NLRC4: variants seen among roughly 807,000 people sequenced by gnomAD.
NLRC4 encodes NLR family CARD domain-containing protein 4.
Under a neutral mutation model 79.9 loss-of-function variants are expected in NLRC4, and 63 were observed. The observed-to-expected ratio is 0.79, with a 90% CI of 0.64 to 0.97. The LOEUF is 0.97. Among genes scored for constraint, NLRC4 ranks in the 50% least tolerant of loss-of-function variants. The probability of loss-of-function intolerance (pLI) is 0.00; values close to 1 mark genes in which losing one functional copy is unlikely to be tolerated. For synonymous variants in NLRC4, 461 were observed against 456.5 expected (o/e 1.01, Z -0.12); for missense variants, 1,074 against 1,215.2 (o/e 0.88, Z 1.73).
intron 7 of NLRC4, 37 bp downstream of exon 7, chr2:32,236,210 T>G: frequency 1.5e-6 from 2 of 1,323,866 alleles, no homozygotes; most frequent in Non-Finnish European, 2.2e-6. Context: ...AGTATACATA[T>G]TCAAGTATCT....
chr2:32,239,523 T>C (rs1686748338), intron 5 of NLRC4, among the ~76,000 whole-genome samples: 1 of 152,316 alleles, frequency 6.6e-6, no homozygotes, highest in South Asian at 2.1e-4. Flanking sequence ...GGCAAGTTAT[T>C]CAATCTTTTA....
intron 7 of NLRC4, 67 bp from the exon 8 acceptor site, chr2:32,235,635 TA>T: frequency 1.5e-6 from 2 of 1,314,808 alleles, no homozygotes; most frequent in Non-Finnish European, 2.2e-6. Context: ...AAAGGGGTGT[TA>T]GGGGAGGAAT....
intron 6 of NLRC4, among the ~76,000 whole-genome samples, chr2:32,237,656 T>C (rs765482177): frequency 1.3e-5 from 2 of 152,250 alleles, no homozygotes; most frequent in Non-Finnish European, 2.9e-5. Context: ...AGTTTCCCCG[T>C]AGTTGATATG....
Position 32,262,092 on chromosome 2 carries a change from A to G in NLRC4, c.-119+2646T>C, listed in dbSNP as rs185154404. ...GAGACTCTGGGTCAAAAAAAAGAAA[A>G]AAAGAAAGAAAGAAAAGAAAAGAAA... On this transcript the variant is annotated intron_variant, in intron 1 of 8. Transcript: ENST00000402280. 2.4e-4 allele frequency among the ~76,000 whole-genome samples: 37 copies of G among 152,270 alleles called. No individual in the cohort carries two copies. In the East Asian group the frequency reaches 7.2e-3, roughly 29 times the overall value.
In NLRC4 at chr2:32,224,721, T is replaced by G. The variant is rs780334258; in HGVS notation, c.2827A>C (p.Asn943His). The G allele has an allele frequency of 8.1e-6, 13 of 1,599,842 alleles. No individual in the cohort carries two copies. The highest frequency in any genetic ancestry group is 1.1e-5 in the Non-Finnish European group (13 of 1,173,790). The change falls in exon 9 of 9, where the codon AAT becomes CAT. Residue 943 changes from asparagine (N) to histidine (H), a missense_variant. Transcript: ENST00000402280. ...CTGCTCACACGATTTCCCGCCAAAT[T>G]CAACTGCTGGAAGTTTTTCAGAGGG... ...KNPLKNFQQL[N>H]LAGNRVSSDG...
chr2:32,261,742 C>T (rs184797433), intron 1 of NLRC4, among the ~76,000 whole-genome samples: 70 of 152,164 alleles, frequency 4.6e-4, no homozygotes, highest in African/African-American at 1.6e-3. Context: ...AATAAAGTTT[C>T]CCTTTTATGT....
At chr2:32,252,801 G>A (rs933333232) in intron 2 of NLRC4, 122 bp from the exon 3 acceptor site, 19 of 707,720 alleles carry the variant, frequency 2.7e-5, no homozygotes, top group African/African-American at 2.0e-4. Flanking sequence ...GGCAGATCAC[G>A]AGGTCAGGAG....
chr2:32,236,797 A>T (rs1266637840), intron 6 of NLRC4, among the ~76,000 whole-genome samples: 1 of 152,208 alleles, frequency 6.6e-6, no homozygotes, highest in Non-Finnish European at 1.5e-5. Context: ...GTGTACCTCA[A>T]CTTAGATGAT....
rs749177011 is a variant in NLRC4 at position 32,251,146 on chromosome 2, G to A, written c.718C>T (p.Arg240Trp). 4.3e-6 allele frequency: 7 copies of A among 1,614,146 alleles called. No homozygotes were observed. In the South Asian group the frequency reaches 6.6e-5, roughly 15 times the overall value. ...QTFMAMLLKLRQRVLFLLDGY... is the reference protein window; with the variant it reads ...QTFMAMLLKLWQRVLFLLDGY... The stretch of plus-strand genomic sequence containing the variant: ...TCAAGAAGGAAAAGAACCCTCTGCC[G>A]CAGCTTCAGCAGCATGGCCATGAAT... The change falls in exon 4 of 9, where the codon CGG (arginine) becomes TGG (tryptophan). Residue 240 changes from arginine to tryptophan, a missense_variant. Coordinates refer to ENST00000402280, the MANE Select transcript of NLRC4 (RefSeq NM_001199138.2).
At chr2:32,235,614 T>A (rs761047411) in intron 7 of NLRC4, 46 bp from the exon 8 acceptor site, 4 of 1,537,564 alleles carry the variant, frequency 2.6e-6, no homozygotes, top group Non-Finnish European at 3.6e-6. Flanking sequence ...GTCTCAAAAC[T>A]GAGGAAGAAC....
rs1161033528 is a variant in NLRC4, at chr2:32,243,821, C to A, written c.2258-2696G>T. Among the ~76,000 whole-genome samples, 5 of 150,358 alleles carry A rather than the reference C, an allele frequency of 3.3e-5. No individual in the cohort carries two copies. In the South Asian group the frequency reaches 6.3e-4, roughly 19 times the overall value. On this transcript the variant is annotated intron_variant, in intron 4 of 8. Coordinates refer to ENST00000402280, the MANE Select transcript of NLRC4 (RefSeq NM_001199138.2). ...AAAAAAAAAAAAAAAAAGAATATTACACCACCTCCAAATGGGCTTCATATA... is the reference window on the plus strand; with the variant it reads ...AAAAAAAAAAAAAAAAAGAATATTAAACCACCTCCAAATGGGCTTCATATA...
chr2:32,237,919 T>C, intron 6 of NLRC4, among the ~76,000 whole-genome samples: 1 of 152,250 alleles, frequency 6.6e-6, no homozygotes, highest in Admixed American at 6.5e-5. Flanking sequence ...TCTTCAATTA[T>C]TCTGAAATTC....
chr2:32,240,318 C>T (rs138116467), intron 5 of NLRC4, among the ~76,000 whole-genome samples: 1,665 of 147,322 alleles, frequency 0.011, 16 homozygotes, highest in Non-Finnish European at 0.018. Context: ...AGTTGTCTTT[C>T]GGCAGGAAGC....
At chr2:32,239,320 A>C (rs1295835449) in intron 5 of NLRC4, among the ~76,000 whole-genome samples, 2 of 152,104 alleles carry the variant, frequency 1.3e-5, no homozygotes, top group African/African-American at 4.8e-5. Flanking sequence ...ATATGATTCT[A>C]ATAATATCAG....
At chr2:32,242,441 A>G (rs1247460385) in intron 4 of NLRC4, among the ~76,000 whole-genome samples, 3 of 152,176 alleles carry the variant, frequency 2.0e-5, no homozygotes, top group East Asian at 3.8e-4. Context: ...GAAAACCACA[A>G]ACTACCAACA....
intron 4 of NLRC4, among the ~76,000 whole-genome samples, chr2:32,245,310 CAAAAAAA>C (rs58301612): frequency 1.3e-5 from 1 of 77,958 alleles, no homozygotes; most frequent in African/African-American, 5.3e-5. Context: ...GACTCCTTCT[CAAAAAAA>C]AAAAAAAAAA....
rs201777650 is a variant in NLRC4 at position 32,250,422 on chromosome 2, G to A, written c.1442C>T (p.Ser481Leu). The change falls in exon 4 of 9, where the codon TCG (serine) becomes TTG (leucine). Residue 481 changes from serine to leucine, a missense_variant. Physicochemically the swap from Ser to Leu is moderately radical, Grantham distance 145. Transcript: ENST00000402280. This position sits in a 1 kb window ranked among gnomAD's most constrained non-coding sequence, Gnocchi z 4.9. ...NGYLQKMVSI[S>L]DITSTYSSLL... ...GCTGCTATAAGTGGATGTAATGTCC[G>A]AAATGGAAACCATTTTCTGCAAGTA... 6.2e-6 allele frequency: 10 copies of A among 1,614,150 alleles called. No homozygotes were observed. The highest frequency in any genetic ancestry group is 2.2e-5 in the East Asian group (1 of 44,882).
chr2:32,254,026 T>G (rs1024303040), intron 2 of NLRC4, among the ~76,000 whole-genome samples: 1 of 151,044 alleles, frequency 6.6e-6, no homozygotes, highest in Non-Finnish European at 1.5e-5. Flanking sequence ...CCTGGCCCTC[T>G]GGGAGTAAAG....
chr2:32,227,033 G>A (rs1306916729), intron 8 of NLRC4, among the ~76,000 whole-genome samples: 3 of 152,202 alleles, frequency 2.0e-5, no homozygotes, highest in Admixed American at 2.0e-4. Flanking sequence ...TGCCAAGGAA[G>A]TATAGGCAGA....
Sources: gnomAD v4.1 joint callset for allele counts (sites outside exome capture counted in the v4.1 genomes callset) on GRCh38, gnomAD v4.1.1 for gene constraint, Gnocchi (gnomAD v3.1) non-coding constraint, MANE v1.5 for transcripts, NCBI Gene and HGNC (gene_info 2026-07-23, HGNC 2026-07-21) for gene names.